The following EYS variants were observed in gnomAD, a reference collection of about 807,000 sequenced individuals.
EYS encodes EGF-like photoreceptor maintenance factor.
EYS carries 250 observed loss-of-function variants against 282.1 expected under a neutral mutation model. The ratio of observed to expected loss-of-function variants is 0.89; its 90% CI spans 0.80 to 0.98. The LOEUF is 0.98. Ranked by LOEUF, EYS falls within the 50% of genes least tolerant of loss-of-function variation. The probability of loss-of-function intolerance (pLI) is 0.00; values close to 1 mark genes in which losing one functional copy is unlikely to be tolerated. For missense variants in EYS, 4,016 were observed against 3,709.0 expected (o/e 1.08, Z -2.15); for synonymous variants, 1,355 against 1,282.9 (o/e 1.06, Z -1.20).
intron 12 of EYS, among the ~76,000 whole-genome samples, chr6:65,180,669 C>T (rs1406891822): frequency 6.6e-6 from 1 of 152,132 alleles, no homozygotes; most frequent in Non-Finnish European, 1.5e-5. Flanking sequence ...CCCCATCAAG[C>T]TACCAATGAC....
At chr6:64,136,766 T>C (rs1161420206) in intron 31 of EYS, among the ~76,000 whole-genome samples, 1 of 152,132 alleles carries the variant, frequency 6.6e-6, no homozygotes, top group South Asian at 2.1e-4. Flanking sequence ...TGTGCCATAA[T>C]CTAGGCTTTG....
chr6:64,932,612 T>C (rs1768763554), intron 15 of EYS, among the ~76,000 whole-genome samples: 1 of 151,798 alleles, frequency 6.6e-6, no homozygotes, highest in Non-Finnish European at 1.5e-5. Flanking sequence ...AAGAAAGATA[T>C]AAACAGCCCT....
chr6:65,617,642 G>A (rs60548584), intron 2 of EYS, among the ~76,000 whole-genome samples: 9,258 of 150,836 alleles, frequency 0.061, 863 homozygotes, highest in African/African-American at 0.2. Flanking sequence ...ATGCTGGTGC[G>A]CTGCACCCAC....
intron 31 of EYS, among the ~76,000 whole-genome samples, chr6:64,188,151 T>A (rs1765000706): frequency 6.6e-6 from 1 of 152,136 alleles, no homozygotes; most frequent in Non-Finnish European, 1.5e-5. Flanking sequence ...AGTCTTCACT[T>A]AAACATTTCA....
At chr6:65,254,731 C>G (rs568876929) in intron 12 of EYS, among the ~76,000 whole-genome samples, 128 of 151,792 alleles carry the variant, frequency 8.4e-4, no homozygotes, top group Non-Finnish European at 1.5e-3. Flanking sequence ...ATGTTTGGTG[C>G]CTTGCGGAAT....
intron 5 of EYS, among the ~76,000 whole-genome samples, chr6:65,458,794 A>G (rs1437858978): frequency 6.6e-6 from 1 of 152,138 alleles, no homozygotes; most frequent in Non-Finnish European, 1.5e-5. Context: ...GGGTAGACAA[A>G]GACATTTTTT....
At chr6:64,259,079 A>G (rs954527306) in intron 30 of EYS, among the ~76,000 whole-genome samples, 1 of 152,104 alleles carries the variant, frequency 6.6e-6, no homozygotes, top group Non-Finnish European at 1.5e-5. Context: ...TGCTTTCAGA[A>G]GAACCACCTA....
chr6:64,796,828 A>G (rs777903183), intron 22 of EYS, among the ~76,000 whole-genome samples: 9 of 152,150 alleles, frequency 5.9e-5, no homozygotes, highest in Non-Finnish European at 1.3e-4. Context: ...GTGTGACACA[A>G]AGATGTGTGA....
At position 64,663,722 on chromosome 6, in the gene EYS, T is replaced by C. The variant is rs560390422; in HGVS notation, c.3444-37477A>G. ...CTCAACCAAACAGAAGGAAGCTAGA[T>C]GTACCGTCATACTGTTAGCAGCGGG... On this transcript the variant is annotated intron_variant, in intron 22 of 42. Transcript: ENST00000503581. 2.6e-5 allele frequency among the ~76,000 whole-genome samples: 4 copies of C among 152,262 alleles called. No homozygotes were observed. In the East Asian group the frequency reaches 5.8e-4, roughly 22 times the overall value.
chr6:65,403,196 G>A (rs1766584181), intron 6 of EYS, among the ~76,000 whole-genome samples: 1 of 151,976 alleles, frequency 6.6e-6, no homozygotes, highest in South Asian at 2.1e-4. Context: ...ATTATTTTAA[G>A]CCACCAAGTT....
chr6:63,999,022 C>G (rs1767960849), intron 34 of EYS, 53 bp downstream of exon 34: 2 of 1,091,140 alleles, frequency 1.8e-6, no homozygotes, highest in Non-Finnish European at 2.7e-6. Flanking sequence ...AAATACTTAT[C>G]TGAAATACTG....
chr6:64,392,589 G>A (rs201339933), intron 28 of EYS, among the ~76,000 whole-genome samples: 2,264 of 151,766 alleles, frequency 0.015, 15 homozygotes, highest in East Asian at 0.033. Context: ...TGAGAACAAA[G>A]ACACAACATA....
rs1051186393 is a variant in EYS at position 65,390,108 on chromosome 6, A to G, written c.1185-5608T>C. Among the ~76,000 whole-genome samples, 5 of 152,046 alleles carry G rather than the reference A, an allele frequency of 3.3e-5. No individual in the cohort carries two copies. In the South Asian group the frequency reaches 8.3e-4, roughly 25 times the overall value. On this transcript the variant is annotated intron_variant, in intron 7 of 42. Transcript: ENST00000503581. ...AATTAAAGGTATTTCAGGGTGTGCA[A>G]TTACAGGCATGATAACTTATAGGAT...
chr6:65,616,774 C>A (rs1238672170), intron 2 of EYS, among the ~76,000 whole-genome samples: 1 of 140,998 alleles, frequency 7.1e-6, no homozygotes, highest in African/African-American at 2.9e-5. Flanking sequence ...GACAGAGTGA[C>A]ACTCTGTCTA....
chr6:63,962,534 G>A (rs1157455765), intron 35 of EYS, among the ~76,000 whole-genome samples: 2 of 152,168 alleles, frequency 1.3e-5, no homozygotes. Flanking sequence ...GGCCATCGGA[G>A]AAATGCAAAT....
chr6:64,720,115 C>T (rs575586775), intron 22 of EYS, among the ~76,000 whole-genome samples: 30 of 152,122 alleles, frequency 2.0e-4, no homozygotes, highest in Non-Finnish European at 4.1e-4. Context: ...GGGCATAGGG[C>T]TACTACTGGA....
At chr6:65,570,684 G>A (rs1193283382) in intron 2 of EYS, among the ~76,000 whole-genome samples, 1 of 152,010 alleles carries the variant, frequency 6.6e-6, no homozygotes, top group Non-Finnish European at 1.5e-5. Flanking sequence ...AAACAGAGAT[G>A]GACTCTTTCC....
chr6:64,616,231 G>A (rs1450312847), intron 24 of EYS, among the ~76,000 whole-genome samples: 2 of 152,080 alleles, frequency 1.3e-5, no homozygotes, highest in Non-Finnish European at 2.9e-5. Flanking sequence ...GACTCTTCGA[G>A]GAAGACATTA....
intron 36 of EYS, among the ~76,000 whole-genome samples, chr6:63,808,950 T>C (rs947246607): frequency 6.6e-6 from 1 of 152,218 alleles, no homozygotes; most frequent in Non-Finnish European, 1.5e-5. Context: ...ATGTCGCTAC[T>C]AGAAAACAAA....
Sources: allele counts gnomAD v4.1 joint callset (sites outside exome capture counted in the v4.1 genomes callset), GRCh38; gene constraint gnomAD v4.1.1; transcripts MANE v1.5; gene names NCBI Gene and HGNC (gene_info 2026-07-23, HGNC 2026-07-21).